The following SPDYE1 variants were observed in gnomAD, a reference collection of about 807,000 sequenced individuals.
SPDYE1 encodes the protein speedy protein E1.
In SPDYE1, 29 loss-of-function variants were observed where a neutral mutation model predicts 45.9. That is an observed-to-expected ratio of 0.63 (90% CI 0.47 to 0.86). The LOEUF is 0.86. SPDYE1 is among the 40% of genes least tolerant of loss of function. SPDYE1 has a pLI of 0.00. For synonymous variants in SPDYE1, 134 were observed against 176.8 expected (o/e 0.76, Z 1.92); for missense variants, 346 against 481.4 (o/e 0.72, Z 2.63).
In SPDYE1 at chr7:44,004,008, C is replaced by T; in HGVS notation, c.666+97C>T. 7.3e-6 allele frequency: 6 copies of T among 825,178 alleles called. No homozygotes were observed. The South Asian group carries it at 1.0e-4, about 14-fold the overall frequency. The allele number at this position is 825,178 out of a possible 1,614,324, so 51.1% of individuals were successfully genotyped here. On this transcript the variant is annotated intron_variant, in intron 5 of 8. Transcript: ENST00000693451. ...ACAGTTCTCCCTCCACCACCTCCCA[C>T]CAGATGCTCCTACAGTCTTTTTTTT...
Position 44,002,637 on chromosome 7 carries a change from A to G in SPDYE1, c.427A>G (p.Arg143Gly). The change falls in exon 4 of 9, where the codon AGG (arginine) becomes GGG (glycine). Residue 143 changes from arginine to glycine, a missense_variant. Arg to Gly is a moderately radical substitution (Grantham distance 125). Coordinates refer to ENST00000693451, the MANE Select transcript of SPDYE1 (RefSeq NM_001378423.2). ...SPPHRSFCWK[R>G]KMEWWDKSEE... Reference sequence around the variant, plus strand: ...CCCGCATAGGTCCTTTTGCTGGAAAAGGAAGATGGAGTGGTGGGACAAATC... The same window carrying G: ...CCCGCATAGGTCCTTTTGCTGGAAAGGGAAGATGGAGTGGTGGGACAAATC... The G allele has an allele frequency of 6.3e-7, 1 of 1,597,424 alleles. No homozygotes were observed. The highest frequency in any genetic ancestry group is 8.5e-7 in the Non-Finnish European group (1 of 1,179,852).
In SPDYE1 at chr7:44,001,156, A is replaced by G; in HGVS notation, c.251A>G (p.Lys84Arg). The change falls in exon 3 of 9, where the codon AAG (lysine) becomes AGG (arginine). Residue 84 changes from lysine to arginine, a missense_variant. Physicochemically the swap from Lys to Arg is conservative, Grantham distance 26. Around this residue, in one of 4 missense-constraint regions of SPDYE1, gnomAD observed 141 missense variants for 176.7 expected, o/e 0.80. Coordinates refer to ENST00000693451, the MANE Select transcript of SPDYE1 (RefSeq NM_001378423.2). ...GATGAATCTGAGGAGGAGCCGGAGAAGGAGCTCGCCCCTGAGCCTGAGGAG... is the reference window on the plus strand; with the variant it reads ...GATGAATCTGAGGAGGAGCCGGAGAGGGAGCTCGCCCCTGAGCCTGAGGAG... ...WSDESEEEPE[K>R]ELAPEPEETW... 4.4e-6 allele frequency: 7 copies of G among 1,598,436 alleles called. No individual in the cohort carries two copies. The highest frequency in any genetic ancestry group is 5.9e-6 in the Non-Finnish European group (7 of 1,179,880).
At chr7:44,001,518 G>A (rs1316105429) in intron 3 of SPDYE1, among the ~76,000 whole-genome samples, 1 of 152,136 alleles carries the variant, frequency 6.6e-6, no homozygotes, top group Non-Finnish European at 1.5e-5. Context: ...GCTAGGTGCA[G>A]TGGCTCACGC....
intron 3 of SPDYE1, among the ~76,000 whole-genome samples, chr7:44,001,771 G>A (rs537437427): frequency 8.1e-4 from 123 of 152,192 alleles, no homozygotes; most frequent in African/African-American, 2.7e-3. Context: ...CCAATATAGC[G>A]AAACGTCATT....
intron 1 of SPDYE1, among the ~76,000 whole-genome samples, chr7:43,999,220 C>T (rs1675038982): frequency 6.6e-6 from 1 of 152,116 alleles, no homozygotes; most frequent in African/African-American, 2.4e-5. Flanking sequence ...GGGGCAGTTT[C>T]CTATGATTTT....
rs1253408413 is a variant in SPDYE1 at position 44,005,152 on chromosome 7, C to T, written c.677C>T (p.Ala226Val). The T allele has an allele frequency of 6.2e-7, 1 of 1,611,862 alleles. No homozygotes were observed. The highest frequency in any genetic ancestry group is 8.5e-7 in the Non-Finnish European group (1 of 1,179,862). Residue 226 changes from alanine to valine, a missense_variant, in exon 6 of 9, where the codon GCT (alanine) becomes GTT (valine). Coordinates refer to ENST00000693451, the MANE Select transcript of SPDYE1 (RefSeq NM_001378423.2). ...CTTTCTCTCCATCAGTATCTCCTTGCTATGGTCATAGCGTATTTCAGCCGA... is the reference window on the plus strand; with the variant it reads ...CTTTCTCTCCATCAGTATCTCCTTGTTATGGTCATAGCGTATTTCAGCCGA... The part of the protein sequence containing the change: ...DLRVSDKYLL[A>V]MVIAYFSRAG...
In SPDYE1 at chr7:44,001,051, G is replaced by C; in HGVS notation, c.161-15G>C. 1 of 1,597,446 alleles carries C rather than the reference G, an allele frequency of 6.3e-7. No individual in the cohort carries two copies. The highest frequency in any genetic ancestry group is 1.1e-5 in the South Asian group (1 of 90,970). ...ATGCAGAAGCATTACACAGTGGCCT[G>C]GTTTCTTTACTCAGCCCCTGGGGTA... On this transcript the variant is annotated splice_polypyrimidine_tract_variant and intron_variant, in intron 2 of 8. Transcript: ENST00000693451.
intron 5 of SPDYE1, 197 bp downstream of exon 5, chr7:44,004,108 T>C (rs1367813802): frequency 1.7e-5 from 16 of 950,042 alleles, no homozygotes; most frequent in Non-Finnish European, 2.5e-5. Flanking sequence ...CGATCTTCAC[T>C]CACTGCAGCC....
intron 4 of SPDYE1, among the ~76,000 whole-genome samples, chr7:44,003,572 G>A (rs2096066952): frequency 1.3e-5 from 2 of 151,678 alleles, no homozygotes; most frequent in Admixed American, 1.3e-4. Flanking sequence ...ACTCTGCAGT[G>A]GTCCCTCCGT....
intron 1 of SPDYE1, among the ~76,000 whole-genome samples, chr7:43,998,469 A>G (rs972465843): frequency 6.6e-6 from 1 of 151,048 alleles, no homozygotes; most frequent in Admixed American, 6.6e-5. Flanking sequence ...ATCCACCACC[A>G]TGCCTGGCTA....
Sources: allele counts gnomAD v4.1 joint callset (sites outside exome capture counted in the v4.1 genomes callset), GRCh38; gene constraint gnomAD v4.1.1; regional missense constraint gnomAD v4.1.1; transcripts MANE v1.5; gene names NCBI Gene and HGNC (gene_info 2026-07-23, HGNC 2026-07-21).